DACH2: variants seen among roughly 807,000 people sequenced by gnomAD.
DACH2 encodes dachshund family transcription factor 2.
DACH2 carries 17 observed loss-of-function variants against 35.8 expected under a neutral mutation model. That is an observed-to-expected ratio of 0.48 (90% CI 0.33 to 0.71). DACH2 has a LOEUF of 0.71. Among genes scored for constraint, DACH2 ranks in the 30% least tolerant of loss-of-function variants. The pLI is 0.02. For missense variants in DACH2, 469 were observed against 472.7 expected (o/e 0.99, Z 0.07); for synonymous variants, 195 against 177.3 (o/e 1.10, Z -0.79).
At chrX:86,811,294 G>A (rs1279332784) in intron 7 of DACH2, among the ~76,000 whole-genome samples, 1 of 111,602 alleles carries the variant, frequency 9.0e-6, no homozygotes, top group Admixed American at 9.6e-5. Flanking sequence ...GGCACAACTT[G>A]CCACACAAGA....
intron 7 of DACH2, among the ~76,000 whole-genome samples, chrX:86,780,868 G>A (rs2042082843): frequency 9.0e-6 from 1 of 111,072 alleles, no homozygotes; most frequent in South Asian, 3.8e-4. Context: ...CCTGCCTCAG[G>A]GGAGGCCATA....
Position 86,502,011 on chromosome X carries a change from T to TTTCCTTCCTTCCTTCCTTCCTTCCTTCC in DACH2, c.528-12252_528-12225dup, listed in dbSNP as rs533021751. 3.1e-5 allele frequency among the ~76,000 whole-genome samples: 3 copies of TTTCCTTCCTTCCTTCCTTCCTTCCTTCC among 95,532 alleles called. No individual in the cohort carries two copies. The East Asian group carries it at 9.9e-4, about 32-fold the overall frequency. 83.0% of individuals were successfully genotyped at this position (95,532 alleles called of 115,157 possible). On this transcript the variant is annotated intron_variant, in intron 2 of 11. Transcript: ENST00000373125. ...ATTTTGAATAATCCTTCTTTCCTTC[T>TTTCCTTCCTTCCTTCCTTCCTTCCTTCC]TTCCTTCCTTCCTTCCTTCCTTCCT...
intron 7 of DACH2, among the ~76,000 whole-genome samples, chrX:86,741,786 A>G (rs5968978): frequency 0.23 from 25,407 of 110,235 alleles, 2,242 homozygotes; most frequent in East Asian, 0.48. Context: ...TATAGAGATA[A>G]TTATTTATTG....
chrX:86,733,746 T>G (rs148696994), intron 6 of DACH2, among the ~76,000 whole-genome samples: 1,193 of 111,366 alleles, frequency 0.011, 20 homozygotes, highest in African/African-American at 0.037. Flanking sequence ...TCTGATTAGC[T>G]CTGTTTCTTG....
intron 1 of DACH2, among the ~76,000 whole-genome samples, chrX:86,325,095 GA>G (rs34492376): frequency 9.1e-6 from 1 of 109,388 alleles, no homozygotes; most frequent in Non-Finnish European, 1.9e-5. Flanking sequence ...CACTGGGAAA[GA>G]AAAAAAATTG....
chrX:86,678,176 A>G (rs2040842267), intron 4 of DACH2, among the ~76,000 whole-genome samples: 1 of 112,458 alleles, frequency 8.9e-6, no homozygotes, highest in Non-Finnish European at 1.9e-5. Context: ...TTAAAATAAT[A>G]CATTTTTAGA....
At chrX:86,708,795 A>T (rs768939878) in intron 5 of DACH2, among the ~76,000 whole-genome samples, 46 of 111,691 alleles carry the variant, frequency 4.1e-4, no homozygotes, top group African/African-American at 1.4e-3. Flanking sequence ...ATAAAAACAC[A>T]AAATTGTTTA....
chrX:86,334,132 C>G (rs1180900296), intron 1 of DACH2, among the ~76,000 whole-genome samples: 1 of 112,195 alleles, frequency 8.9e-6, no homozygotes, highest in Non-Finnish European at 1.9e-5. Context: ...ATATGTGCCA[C>G]ATTTTCTTTA....
intron 3 of DACH2, among the ~76,000 whole-genome samples, chrX:86,569,070 C>T (rs995786241): frequency 9.0e-6 from 1 of 111,481 alleles, no homozygotes; most frequent in Non-Finnish European, 1.9e-5. Context: ...CAAGATTTAG[C>T]CCACAGTCTT....
intron 1 of DACH2, among the ~76,000 whole-genome samples, chrX:86,173,915 A>G (rs1401659071): frequency 9.0e-6 from 1 of 111,013 alleles, no homozygotes; most frequent in Non-Finnish European, 1.9e-5. Flanking sequence ...GGTGATAACA[A>G]TTGGTCAGAG....
intron 1 of DACH2, among the ~76,000 whole-genome samples, chrX:86,333,011 A>T (rs758195325): frequency 2.7e-5 from 3 of 112,151 alleles, no homozygotes; most frequent in Non-Finnish European, 5.6e-5. Context: ...AACACTTTAT[A>T]AATGGATAAT....
At chrX:86,688,905 C>A (rs754656309) in intron 4 of DACH2, among the ~76,000 whole-genome samples, 72 of 111,820 alleles carry the variant, frequency 6.4e-4, no homozygotes, top group African/African-American at 2.0e-3. Context: ...TGCAACTGAG[C>A]AGCTGAATTT....
intron 7 of DACH2, chrX:86,799,265 C>T: frequency 5.9e-6 from 1 of 169,515 alleles, no homozygotes; most frequent in Non-Finnish European, 1.2e-5. Context: ...TCCCAACAGC[C>T]AGACCCCAAA....
chrX:86,391,825 A>C (rs766467122), intron 2 of DACH2, among the ~76,000 whole-genome samples: 1 of 111,650 alleles, frequency 9.0e-6, no homozygotes, highest in Non-Finnish European at 1.9e-5. Flanking sequence ...GTTTACCATT[A>C]AATGTAAGAA....
chrX:86,291,206 C>T lies in DACH2; in HGVS notation c.489-85618C>T, dbSNP rs764245532. Among the ~76,000 whole-genome samples the T allele has an allele frequency of 3.7e-5, 4 of 109,264 alleles. No homozygotes were observed. The South Asian group carries it at 1.6e-3, about 44-fold the overall frequency. 94.9% of individuals were successfully genotyped at this position (109,264 alleles called of 115,157 possible). On this transcript the variant is annotated intron_variant, in intron 1 of 11. Coordinates refer to ENST00000373125, the MANE Select transcript of DACH2 (RefSeq NM_053281.3). ...AAGCAATTGTGAATGAGAGTTCACT[C>T]ATGATTTGGCTGTCTGTTTGTCTGT... is the stretch of plus-strand genomic sequence containing the variant.
At chrX:86,706,306 G>C (rs1203095362) in intron 5 of DACH2, among the ~76,000 whole-genome samples, 1 of 111,209 alleles carries the variant, frequency 9.0e-6, no homozygotes, top group African/African-American at 3.3e-5. Context: ...ATTATACCTT[G>C]TGGATAAGTG....
At chrX:86,493,953 C>A (rs2038130388) in intron 2 of DACH2, among the ~76,000 whole-genome samples, 1 of 111,468 alleles carries the variant, frequency 9.0e-6, no homozygotes, top group African/African-American at 3.3e-5. Context: ...AAAAAATGAT[C>A]TGTCCAGAGC....
chrX:86,700,918 T>A (rs1468780980), intron 5 of DACH2, among the ~76,000 whole-genome samples: 1 of 111,494 alleles, frequency 9.0e-6, no homozygotes. Flanking sequence ...TTATATTAGA[T>A]GCACAAAGAA....
In DACH2 at chrX:86,735,298, A is replaced by G. The variant is rs377765926; in HGVS notation, c.1105-4449A>G. 2.7e-5 allele frequency among the ~76,000 whole-genome samples: 3 copies of G among 111,789 alleles called. No individual in the cohort carries two copies. The South Asian group carries it at 1.1e-3, about 41-fold the overall frequency. Reference sequence around the variant, plus strand: ...TGAAATGAAATAAATGGCCTCTATGAACATGGTCAGAGTTGATACTTTAGT... The same window carrying G: ...TGAAATGAAATAAATGGCCTCTATGGACATGGTCAGAGTTGATACTTTAGT... On this transcript the variant is annotated intron_variant, in intron 6 of 11. Coordinates refer to ENST00000373125, the MANE Select transcript of DACH2 (RefSeq NM_053281.3).
Sources: gnomAD v4.1 joint callset for allele counts (sites outside exome capture counted in the v4.1 genomes callset) on GRCh38, gnomAD v4.1.1 for gene constraint, MANE v1.5 for transcripts, NCBI Gene and HGNC (gene_info 2026-07-23, HGNC 2026-07-21) for gene names.